Variants in DNAH10 observed in about 807,000 individuals in gnomAD.
DNAH10 encodes axonemal beta dynein heavy chain 10.
In DNAH10, 348 loss-of-function variants were observed where a neutral mutation model predicts 506.6. The observed-to-expected ratio is 0.69, with a 90% confidence interval of 0.63 to 0.75. The LOEUF (loss-of-function observed/expected upper bound fraction) is 0.75, where lower values mean the gene tolerates loss of function less well. Ranked by LOEUF, DNAH10 falls within the 30% of genes least tolerant of loss-of-function variation. The pLI, the probability that DNAH10 is intolerant of heterozygous loss-of-function variation, is 0.00. For missense variants in DNAH10, 5,179 were observed against 5,787.1 expected, an observed-to-expected ratio of 0.89 and a Z score of 3.41; for synonymous variants, 2,059 against 2,198.6, an observed-to-expected ratio of 0.94 and a Z score of 1.78.
intron 24 of DNAH10, among the ~76,000 whole-genome samples, chr12:123,823,090 G>T (rs547018610): frequency 9.8e-5 from 15 of 152,364 alleles, no homozygotes; most frequent in African/African-American, 3.6e-4. Flanking sequence ...AAGGAGAGTG[G>T]CCCACTGGCC....
chr12:123,811,649 C>G (rs1432144530), intron 19 of DNAH10, among the ~76,000 whole-genome samples: 1 of 152,106 alleles, frequency 6.6e-6, no homozygotes, highest in Non-Finnish European at 1.5e-5. Context: ...TATAGGAGCC[C>G]ACCACCACGC....
At chr12:123,763,261 C>A (rs1417501927) in intron 1 of DNAH10, among the ~76,000 whole-genome samples, 1 of 152,174 alleles carries the variant, frequency 6.6e-6, no homozygotes, top group Non-Finnish European at 1.5e-5. Context: ...AGGCCAGGGA[C>A]ACTGAGAGGG....
chr12:123,796,749 C>T lies in DNAH10; in HGVS notation c.2080C>T (p.Arg694Ter), dbSNP rs949871900. The part of the protein sequence containing the change: ...PPVAGAIYWE[R>*]SLFFRIKHTI... ...AGTAGCAGGTGCAATATACTGGGAA[C>T]GATCTCTGTTCTTTCGGATTAAGCA... is the stretch of plus-strand genomic sequence containing the variant. Residue 694 changes from arginine to a stop codon, truncating the protein, a stop_gained, in exon 13 of 79, where the codon CGA becomes TGA. Transcript: ENST00000673944. LOFTEE classifies it high-confidence loss of function. 3.7e-6 allele frequency: 6 copies of T among 1,613,910 alleles called. No homozygotes were observed. Among genetic ancestry groups the T allele is most frequent in the South Asian group, 1.1e-5 (1 of 91,060 alleles).
chr12:123,910,859 G>A (rs1023796421), intron 59 of DNAH10, among the ~76,000 whole-genome samples, 187 bp downstream of exon 59: 6 of 151,454 alleles, frequency 4.0e-5, no homozygotes, highest in Admixed American at 1.3e-4. Context: ...TAGTGTGGGT[G>A]GTGGACAAGA....
chr12:123,911,045 A>G (rs1272650616), intron 59 of DNAH10, among the ~76,000 whole-genome samples: 4 of 151,438 alleles, frequency 2.6e-5, no homozygotes, highest in Non-Finnish European at 5.9e-5. Context: ...GTCTCTACAA[A>G]AAAAAAGTTT....
intron 30 of DNAH10, among the ~76,000 whole-genome samples, chr12:123,844,383 G>C (rs559946073): frequency 6.6e-6 from 1 of 152,070 alleles, no homozygotes; most frequent in African/African-American, 2.4e-5. Flanking sequence ...TTTAAGTGCA[G>C]TTTAGAAAAA....
In DNAH10 at chr12:123,848,951, C is replaced by T. The variant is rs1421195358; in HGVS notation, c.6102+69C>T. The T allele has an allele frequency of 1.9e-6, 3 of 1,565,274 alleles. No individual in the cohort carries two copies. The African/African-American group carries it at 4.1e-5, about 21-fold the overall frequency. On this transcript the variant is annotated intron_variant, in intron 34 of 78. Coordinates refer to ENST00000673944, the MANE Select transcript of DNAH10 (RefSeq NM_001372106.1). Reference sequence around the variant, plus strand: ...GTTTGCCAAGTATGGTAAGCTTCCTCTGTAGCGTCAGTTTCTGGGCCGTTG... The same window carrying T: ...GTTTGCCAAGTATGGTAAGCTTCCTTTGTAGCGTCAGTTTCTGGGCCGTTG...
intron 51 of DNAH10, among the ~76,000 whole-genome samples, chr12:123,886,679 A>G (rs1010524811): frequency 2.0e-5 from 3 of 150,080 alleles, no homozygotes; most frequent in African/African-American, 7.6e-5. Flanking sequence ...GAAATCTGCC[A>G]TGTTTCTGAC....
intron 9 of DNAH10, among the ~76,000 whole-genome samples, chr12:123,786,204 C>A (rs1049196764): frequency 6.6e-6 from 1 of 151,696 alleles, no homozygotes; most frequent in African/African-American, 2.4e-5. Flanking sequence ...GTAATCCCAG[C>A]TTCATGGAAG....
intron 39 of DNAH10, among the ~76,000 whole-genome samples, chr12:123,864,143 C>CTTTT (rs770676668): frequency 3.3e-4 from 39 of 117,158 alleles, no homozygotes; most frequent in Non-Finnish European, 4.8e-4. Flanking sequence ...ACTTTTTTTT[C>CTTTT]TTTTTTTTTT....
In DNAH10 at chr12:123,931,999, T is replaced by C. The variant is rs1458933383; in HGVS notation, c.13187T>C (p.Phe4396Ser). ...TTAGATGATGTGGCCAGGTCTCTTT[T>C]TATCGGGCATATCCCTAATATCTGG... ...NELDDVARSL[F>S]IGHIPNIWRR... is the part of the protein sequence containing the mutation. Residue 4396 changes from phenylalanine (F) to serine (S), a missense_variant, in exon 76 of 79, where the codon TTT (phenylalanine) becomes TCT (serine). Coordinates refer to ENST00000673944, the MANE Select transcript of DNAH10 (RefSeq NM_001372106.1). The C allele has an allele frequency of 6.2e-7, 1 of 1,613,962 alleles. No homozygotes were observed. Among genetic ancestry groups the C allele is most frequent in the East Asian group, 2.2e-5 (1 of 44,902 alleles).
intron 11 of DNAH10, among the ~76,000 whole-genome samples, chr12:123,790,829 T>C (rs567267147): frequency 6.6e-6 from 1 of 152,116 alleles, no homozygotes; most frequent in African/African-American, 2.4e-5. Context: ...AGGAATGATA[T>C]AGCCAGAATT....
Position 123,871,437 on chromosome 12 carries a change from G to T in DNAH10, c.7640-20G>T. ...CTATTGGAGTTGCTGAGATGCCCCTGTTCCTAATGTCTACTTTAGTTCACA... is the reference window on the plus strand; with the variant it reads ...CTATTGGAGTTGCTGAGATGCCCCTTTTCCTAATGTCTACTTTAGTTCACA... On this transcript the variant is annotated intron_variant, in intron 44 of 78. Coordinates refer to ENST00000673944, the MANE Select transcript of DNAH10 (RefSeq NM_001372106.1). The T allele has an allele frequency of 6.3e-7, 1 of 1,583,018 alleles. No individual in the cohort carries two copies.
intron 48 of DNAH10, 83 bp from the exon 49 acceptor site, chr12:123,879,179 GTC>G: frequency 0.17 from 9 of 54 alleles, no homozygotes; most frequent in Middle Eastern, 0.5. Context: ...CGCTCTGTGT[GTC>G]TGTCTGTCTG....
intron 14 of DNAH10, 118 bp downstream of exon 14, chr12:123,799,489 C>A (rs1958404921): frequency 1.5e-6 from 2 of 1,364,924 alleles, no homozygotes; most frequent in Non-Finnish European, 2.0e-6. Flanking sequence ...GAATCAAAGA[C>A]AAGGAAGGGC....
intron 64 of DNAH10, among the ~76,000 whole-genome samples, 181 bp from the exon 65 acceptor site, chr12:123,918,495 G>A (rs1023210454): frequency 1.5e-4 from 23 of 152,234 alleles, no homozygotes; most frequent in African/African-American, 5.3e-4. Flanking sequence ...GTGCAGGGGC[G>A]TCAGCCACAA....
At chr12:123,823,504 C>T (rs1190843288) in intron 24 of DNAH10, among the ~76,000 whole-genome samples, 1 of 152,114 alleles carries the variant, frequency 6.6e-6, no homozygotes, top group African/African-American at 2.4e-5. Flanking sequence ...GACCTGGTGC[C>T]TGCACCAGGC....
chr12:123,843,763 A>T, intron 30 of DNAH10, among the ~76,000 whole-genome samples: 1 of 152,184 alleles, frequency 6.6e-6, no homozygotes, highest in East Asian at 1.9e-4. Context: ...TTTTTAGTAG[A>T]GACAGGGTTT....
chr12:123,931,943 C>T lies in DNAH10; in HGVS notation c.13131C>T (p.Ala4377=), dbSNP rs190188682. The T allele has an allele frequency of 1.4e-5, 23 of 1,614,016 alleles. No individual in the cohort carries two copies. In the Admixed American group the frequency reaches 1.5e-4, roughly 11 times the overall value. Reference sequence around the variant, plus strand: ...CGATTGCTCTTGATTCTAAATAGGCCTTGGCTGGAGAAGTTGGAATGAGCA... The same window carrying T: ...CGATTGCTCTTGATTCTAAATAGGCTTTGGCTGGAGAAGTTGGAATGAGCA... ...MTKSLAELQR[A]LAGEVGMSNE... Residue 4377 remains alanine (A), a splice_region_variant and synonymous_variant, in exon 76 of 79, where the codon GCC becomes GCT. Transcript: ENST00000673944.
Sources: gnomAD v4.1 joint callset for allele counts (sites outside exome capture counted in the v4.1 genomes callset) on GRCh38, gnomAD v4.1.1 for gene constraint, MANE v1.5 for transcripts, NCBI Gene and HGNC (gene_info 2026-07-23, HGNC 2026-07-21) for gene names.